Variants in WDR48 observed in about 807,000 individuals in gnomAD.
The protein encoded by WDR48 is WD repeat domain 48.
In WDR48, 22 loss-of-function variants were observed where a neutral mutation model predicts 94.0. The observed-to-expected ratio is 0.23, with a 90% CI of 0.17 to 0.33. The LOEUF (loss-of-function observed/expected upper bound fraction) is 0.33, where lower values mean the gene tolerates loss of function less well. Ranked by LOEUF, WDR48 falls within the 10% of genes least tolerant of loss-of-function variation. The pLI is 1.00. For synonymous variants in WDR48, 278 were observed against 280.5 expected (o/e 0.99, Z 0.09); for missense variants, 541 against 813.8 (o/e 0.66, Z 4.08).
chr3:39,065,293 T>G (rs1484734607), intron 2 of WDR48, among the ~76,000 whole-genome samples: 1 of 152,142 alleles, frequency 6.6e-6, no homozygotes, highest in Non-Finnish European at 1.5e-5. Context: ...AGGAAAACAT[T>G]TAATTCAGAG....
chr3:39,088,804 AAG>A (rs1559626233), intron 15 of WDR48, among the ~76,000 whole-genome samples: 1 of 152,198 alleles, frequency 6.6e-6, no homozygotes, highest in Non-Finnish European at 1.5e-5. Flanking sequence ...AGAAGAAAGA[AAG>A]AATAAGACAT....
At chr3:39,061,977 A>G (rs974633380) in intron 1 of WDR48, among the ~76,000 whole-genome samples, 2 of 152,026 alleles carry the variant, frequency 1.3e-5, no homozygotes, top group African/African-American at 4.8e-5. Context: ...CATTTGTTTA[A>G]GTTCTTTGTA....
chr3:39,068,980 G>T lies in WDR48; in HGVS notation c.570+121G>T, dbSNP rs543631929. The T allele has an allele frequency of 1.0e-4, 71 of 699,826 alleles. No homozygotes were observed. The African/African-American group carries it at 1.2e-3, about 12-fold the overall frequency. The allele number at this position is 699,826 out of a possible 1,614,324, so 43.4% of individuals were successfully genotyped here. On this transcript the variant is annotated intron_variant, in intron 6 of 18. Transcript: ENST00000302313. ...TTATATTTATTTATTTAGAGACTGGGTCTCACTCTGTCACCCAGGTTGGGG... is the reference window on the plus strand; with the variant it reads ...TTATATTTATTTATTTAGAGACTGGTTCTCACTCTGTCACCCAGGTTGGGG...
intron 10 of WDR48, among the ~76,000 whole-genome samples, chr3:39,079,146 T>C (rs964198961): frequency 1.3e-5 from 2 of 152,032 alleles, no homozygotes; most frequent in Non-Finnish European, 2.9e-5. Flanking sequence ...ATAAAATACA[T>C]AGGATTTAAT....
chr3:39,065,731 G>A (rs995498879), intron 2 of WDR48, 80 bp from the exon 3 acceptor site: 10 of 1,099,450 alleles, frequency 9.1e-6, no homozygotes, highest in Non-Finnish European at 1.3e-5. Context: ...CACATTAATT[G>A]AAGAATTTAA....
At chr3:39,054,813 C>G (rs2125629599) in intron 1 of WDR48, among the ~76,000 whole-genome samples, 1 of 151,552 alleles carries the variant, frequency 6.6e-6, no homozygotes, top group Admixed American at 6.5e-5. Context: ...TCCAGGGAGG[C>G]CTCAAAGAGA....
At chr3:39,060,171 C>T (rs898507507) in intron 1 of WDR48, among the ~76,000 whole-genome samples, 4 of 152,060 alleles carry the variant, frequency 2.6e-5, no homozygotes, top group Non-Finnish European at 5.9e-5. Context: ...GTTTATTGGT[C>T]ACCTAACTCC....
chr3:39,067,840 C>T (rs1485541986), intron 5 of WDR48, among the ~76,000 whole-genome samples: 2 of 152,178 alleles, frequency 1.3e-5, no homozygotes, highest in Non-Finnish European at 2.9e-5. Flanking sequence ...AAGGTCTCAA[C>T]ATTCTTTTTC....
chr3:39,055,507 T>C (rs764800895), intron 1 of WDR48, among the ~76,000 whole-genome samples: 2 of 152,016 alleles, frequency 1.3e-5, no homozygotes, highest in Non-Finnish European at 2.9e-5. Flanking sequence ...AAATGATACT[T>C]AAAATCAGTG....
At chr3:39,055,273 G>T (rs886110353) in intron 1 of WDR48, among the ~76,000 whole-genome samples, 5 of 152,102 alleles carry the variant, frequency 3.3e-5, no homozygotes, top group African/African-American at 1.2e-4. Context: ...GATCACTTGA[G>T]GTCAGGAGTT....
rs929250291 is a variant in WDR48, at chr3:39,071,035, G to A, written c.672+1291G>A. 7.2e-5 allele frequency among the ~76,000 whole-genome samples: 11 copies of A among 152,048 alleles called. No individual in the cohort carries two copies. In the East Asian group the frequency reaches 7.7e-4, roughly 11 times the overall value. ...ACTCATCATTTTTTATGGCTGCATC[G>A]TATTCCATGGTGTATATGTGCCACA... On this transcript the variant is annotated intron_variant, in intron 7 of 18. Coordinates refer to ENST00000302313, the MANE Select transcript of WDR48 (RefSeq NM_020839.4).
At chr3:39,066,704 CT>C (rs2033629940) in intron 4 of WDR48, 41 bp from the exon 5 acceptor site, 1 of 1,612,710 alleles carries the variant, frequency 6.2e-7, no homozygotes, top group African/African-American at 1.3e-5. Context: ...CATTTTATTA[CT>C]GATCTACAGA....
At position 39,064,305 on chromosome 3, in the gene WDR48, G is replaced by A. The variant is rs185358589; in HGVS notation, c.189+1115G>A. Among the ~76,000 whole-genome samples, 499 of 144,408 alleles carry A rather than the reference G, an allele frequency of 3.5e-3. 4 individuals are homozygous for A. Among genetic ancestry groups the A allele is most frequent in the East Asian group, 0.019 (93 of 4,982 alleles). The allele number at this position is 144,408 out of a possible 152,430, so 94.7% of individuals were successfully genotyped here. On this transcript the variant is annotated intron_variant, in intron 2 of 18. Coordinates refer to ENST00000302313, the MANE Select transcript of WDR48 (RefSeq NM_020839.4). ...TTTTTTTTTTTTGAGATGGAGTCTC[G>A]CTCTGTCACCCAGGCTGGAGTGCAG... is the stretch of plus-strand genomic sequence containing the variant.
At chr3:39,085,710 T>G in intron 14 of WDR48, 100 bp downstream of exon 14, 1 of 974,568 alleles carries the variant, frequency 1.0e-6, no homozygotes, top group Non-Finnish European at 1.5e-6. Flanking sequence ...CTAAAATATT[T>G]GTGGTGTACT....
rs753370972 is a variant in WDR48 at position 39,089,268 on chromosome 3, A to G, written c.1618A>G (p.Met540Val). 9 of 1,613,594 alleles carry G rather than the reference A, an allele frequency of 5.6e-6. No homozygotes were observed. Among genetic ancestry groups the G allele is most frequent in the East Asian group, 2.2e-5 (1 of 44,878 alleles). ...AGATTCCGGGGGTGAGACTGAGTCTATGCTTCTTAATGAAACAGTGCCACA... is the reference window on the plus strand; with the variant it reads ...AGATTCCGGGGGTGAGACTGAGTCTGTGCTTCTTAATGAAACAGTGCCACA... ...CRDSGGETESMLLNETVPQWV... is the reference protein window; with the variant it reads ...CRDSGGETESVLLNETVPQWV... Residue 540 changes from methionine to valine, a missense_variant, in exon 16 of 19, where the codon ATG (methionine) becomes GTG (valine). Met to Val is a conservative substitution (Grantham distance 21). Around this residue, in one of 5 missense-constraint regions of WDR48, gnomAD observed 109 missense variants for 195.5 expected, o/e 0.56. Transcript: ENST00000302313.
intron 15 of WDR48, 148 bp from the exon 16 acceptor site, chr3:39,089,083 C>T (rs868156899): frequency 1.5e-5 from 10 of 661,452 alleles, no homozygotes; most frequent in Middle Eastern, 5.7e-4. Context: ...GTGAGTCATT[C>T]TTCCAGGCTG....
intron 10 of WDR48, 90 bp from the exon 11 acceptor site, chr3:39,079,621 C>A (rs1357099431): frequency 2.3e-6 from 2 of 878,544 alleles, no homozygotes; most frequent in Non-Finnish European, 3.5e-6. Flanking sequence ...AGTTTATGTT[C>A]CTGTTAGATA....
intron 14 of WDR48, 27 bp downstream of exon 14, chr3:39,085,637 A>G: frequency 6.3e-7 from 1 of 1,579,528 alleles, no homozygotes; most frequent in South Asian, 1.2e-5. Context: ...AGATAGTTGC[A>G]TAAAAAGTTA....
chr3:39,069,797 A>G (rs985261675), intron 7 of WDR48, 53 bp downstream of exon 7: 4 of 1,459,520 alleles, frequency 2.7e-6, no homozygotes, highest in Non-Finnish European at 2.8e-6. Context: ...AAATTTCCGC[A>G]CTTTGTATAC....
Sources: gnomAD v4.1 joint callset for allele counts (sites outside exome capture counted in the v4.1 genomes callset) on GRCh38, gnomAD v4.1.1 for gene constraint, gnomAD v4.1.1 regional missense constraint, MANE v1.5 for transcripts, NCBI Gene and HGNC (gene_info 2026-07-23, HGNC 2026-07-21) for gene names.